The following SYK variants were observed in gnomAD, a reference collection of about 807,000 sequenced individuals.
SYK encodes the protein spleen associated tyrosine kinase.
Under a neutral mutation model 77.8 loss-of-function variants are expected in SYK, and 16 were observed. The observed-to-expected ratio is 0.21, with a 90% CI of 0.14 to 0.31. The LOEUF (loss-of-function observed/expected upper bound fraction) is 0.31. Among genes scored for constraint, SYK ranks in the 10% least tolerant of loss-of-function variants. The pLI, the probability that SYK is intolerant of heterozygous loss-of-function variation, is 1.00. For missense variants in SYK, 529 were observed against 814.4 expected (o/e 0.65, Z 4.26); for synonymous variants, 312 against 308.7 (o/e 1.01, Z -0.11).
intron 7 of SYK, among the ~76,000 whole-genome samples, chr9:90,871,581 C>G (rs929206969): frequency 1.3e-5 from 2 of 152,190 alleles, no homozygotes; most frequent in African/African-American, 4.8e-5. Flanking sequence ...GTGGCATATT[C>G]ACCAAGTGCT....
In SYK at chr9:90,888,616, C is replaced by T. The variant is rs2118977756; in HGVS notation, c.1824C>T (p.Cys608=). The change falls in exon 13 of 14, where the codon TGC becomes TGT. Residue 608 remains cysteine (C), a synonymous_variant. Coordinates refer to ENST00000375754, the MANE Select transcript of SYK (RefSeq NM_003177.7). ...AGATGTACGATCTCATGAATCTGTG[C>T]TGGACATACGAGTGAGTACCTGACA... ...PREMYDLMNL[C]WTYDVENRPG... is the part of the protein sequence containing the mutation. 6.2e-7 allele frequency: 1 copy of T among 1,602,788 alleles called. No individual in the cohort carries two copies. The highest frequency in any genetic ancestry group is 1.1e-5 in the South Asian group (1 of 88,392).
At chr9:90,843,607 C>A (rs1017459015) in intron 1 of SYK, among the ~76,000 whole-genome samples, 2 of 152,004 alleles carry the variant, frequency 1.3e-5, no homozygotes, top group Admixed American at 6.5e-5. Context: ...CCACTCCCCC[C>A]AAAAAAGAAT....
intron 13 of SYK, among the ~76,000 whole-genome samples, chr9:90,890,303 C>T (rs937554235): frequency 6.6e-6 from 1 of 152,290 alleles, no homozygotes. Context: ...GGCTGCTGGG[C>T]CGACCTCTGT....
chr9:90,812,776 TGTGAGA>T (rs945086111), intron 1 of SYK, among the ~76,000 whole-genome samples: 4 of 91,474 alleles, frequency 4.4e-5, no homozygotes, highest in Non-Finnish European at 1.0e-4. Flanking sequence ...TGTGTGTGTG[TGTGAGA>T]GAGAGAGATT....
Position 90,895,731 on chromosome 9 carries a change from C to T in SYK, c.*131C>T. 5.1e-6 allele frequency: 4 copies of T among 790,920 alleles called. No individual in the cohort carries two copies. Among genetic ancestry groups the T allele is most frequent in the Non-Finnish European group, 8.3e-6 (4 of 482,080 alleles). 49.0% of individuals were successfully genotyped at this position (790,920 alleles called of 1,614,324 possible). ...GCCAGGCTTGGATGGAACATGCCCA[C>T]AACTTGTCACCCAAAGCCTGTCCCA... On this transcript the variant is annotated 3_prime_UTR_variant, in exon 14 of 14. Coordinates refer to ENST00000375754, the MANE Select transcript of SYK (RefSeq NM_003177.7). This position sits in a 1 kb window ranked among gnomAD's most constrained non-coding sequence, Gnocchi z 4.4.
chr9:90,831,278 G>A (rs550297141), intron 1 of SYK, among the ~76,000 whole-genome samples: 5 of 152,332 alleles, frequency 3.3e-5, no homozygotes, highest in East Asian at 1.9e-4. Context: ...AGCACCTGCC[G>A]GAGCCATGCT....
Position 90,802,861 on chromosome 9 carries a change from G to C in SYK, c.-42+968G>C, listed in dbSNP as rs568947360. ...GATGTTGTGCCATATCTGATTCTTG[G>C]TATTAAAAATAAAAAAAGGAACCAT... is the stretch of plus-strand genomic sequence containing the variant. On this transcript the variant is annotated intron_variant, in intron 1 of 13. Coordinates refer to ENST00000375754, the MANE Select transcript of SYK (RefSeq NM_003177.7). 3.6e-4 allele frequency among the ~76,000 whole-genome samples: 47 copies of C among 130,686 alleles called. No individual in the cohort carries two copies. In the East Asian group the frequency reaches 9.7e-3, roughly 27 times the overall value. The allele number at this position is 130,686 out of a possible 152,430, so 85.7% of individuals were successfully genotyped here.
intron 1 of SYK, among the ~76,000 whole-genome samples, chr9:90,806,390 CTTTTT>C (rs879475874): frequency 6.9e-6 from 1 of 145,090 alleles, no homozygotes; most frequent in Non-Finnish European, 1.5e-5. Context: ...TGGGACTTTT[CTTTTT>C]TTTTTTTCTT....
At chr9:90,868,049 CTAAAG>C (rs1348986184) in intron 7 of SYK, among the ~76,000 whole-genome samples, 1 of 151,980 alleles carries the variant, frequency 6.6e-6, no homozygotes, top group Non-Finnish European at 1.5e-5. Context: ...AATAGATTGC[CTAAAG>C]TATTTACTAG....
At chr9:90,884,931 G>A (rs370757553) in intron 11 of SYK, among the ~76,000 whole-genome samples, 6 of 13,988 alleles carry the variant, frequency 4.3e-4, no homozygotes, top group Non-Finnish European at 4.9e-4. Flanking sequence ...ATATACATAT[G>A]CACATATGTG....
At chr9:90,894,189 C>T (rs1828896717) in intron 13 of SYK, among the ~76,000 whole-genome samples, 2 of 152,194 alleles carry the variant, frequency 1.3e-5, no homozygotes, top group South Asian at 4.1e-4. Flanking sequence ...TGCAAAGATG[C>T]TGAAGTGTGT....
intron 9 of SYK, 39 bp from the exon 10 acceptor site, chr9:90,877,532 T>C (rs1313045361): frequency 6.2e-7 from 1 of 1,607,938 alleles, no homozygotes; most frequent in South Asian, 1.1e-5. Context: ...AAGTGAGGCA[T>C]TTTGGAAAGT....
Position 90,895,497 on chromosome 9 carries a change from G to A in SYK, c.1836-31G>A. 6.2e-7 allele frequency: 1 copy of A among 1,612,728 alleles called. No individual in the cohort carries two copies. The highest frequency in any genetic ancestry group is 8.5e-7 in the Non-Finnish European group (1 of 1,179,262). ...ATCAGCAATTTTTCACAAGCACATT[G>A]ACAAACAAGAATGCATCTCTTCCAT... On this transcript the variant is annotated intron_variant, in intron 13 of 13. Coordinates refer to ENST00000375754, the MANE Select transcript of SYK (RefSeq NM_003177.7). The surrounding 1 kb of genome is among the most constrained non-coding windows in gnomAD (Gnocchi z 4.4).
chr9:90,841,543 T>A (rs1826338144), intron 1 of SYK, among the ~76,000 whole-genome samples: 1 of 95,170 alleles, frequency 1.1e-5, no homozygotes, highest in South Asian at 3.9e-4. Flanking sequence ...AGTATGGGGG[T>A]GTATGTGTGT....
At chr9:90,830,124 C>T (rs1156727235) in intron 1 of SYK, among the ~76,000 whole-genome samples, 1 of 152,230 alleles carries the variant, frequency 6.6e-6, no homozygotes, top group African/African-American at 2.4e-5. Flanking sequence ...TCTCTATATA[C>T]TAAGAAGTCC....
chr9:90,806,474 A>G (rs956640995), intron 1 of SYK, among the ~76,000 whole-genome samples: 5 of 151,966 alleles, frequency 3.3e-5, no homozygotes, highest in African/African-American at 1.2e-4. Context: ...GGCCCAAGCA[A>G]TCCTCTTGCC....
intron 1 of SYK, among the ~76,000 whole-genome samples, chr9:90,802,774 C>G (rs1826777622): frequency 1.8e-5 from 2 of 112,930 alleles, no homozygotes; most frequent in Admixed American, 1.2e-4. Flanking sequence ...AGCAAAGATT[C>G]AGTCGAACTC....
At position 90,898,403 on chromosome 9, in the gene SYK, C is replaced by T. The variant is rs77417541; in HGVS notation, c.*2803C>T. 3,091 of 226,924 alleles carry T rather than the reference C, an allele frequency of 0.014. 74 individuals carry two copies. The highest frequency in any genetic ancestry group is 0.063 in the East Asian group (994 of 15,836). 14.1% of individuals were successfully genotyped at this position (226,924 alleles called of 1,614,324 possible). ...CCTGGATTTTCACTTGCAGAGGCTA[C>T]AGCTGCATTGTCAGGTCTCCCAGCC... On this transcript the variant is annotated 3_prime_UTR_variant, in exon 14 of 14. Transcript: ENST00000375754.
intron 11 of SYK, among the ~76,000 whole-genome samples, chr9:90,886,474 G>T (rs1828584340): frequency 6.6e-6 from 1 of 152,212 alleles, no homozygotes; most frequent in Non-Finnish European, 1.5e-5. Flanking sequence ...GGAAGCCCGA[G>T]GCAGGCAGAT....
Sources: gnomAD v4.1 joint callset for allele counts (sites outside exome capture counted in the v4.1 genomes callset) on GRCh38, gnomAD v4.1.1 for gene constraint, Gnocchi (gnomAD v3.1) non-coding constraint, MANE v1.5 for transcripts, NCBI Gene and HGNC (gene_info 2026-07-23, HGNC 2026-07-21) for gene names.